Variants in PVT1 observed in about 807,000 individuals in gnomAD.
PVT1 encodes CXCR4/PVT1 fusion.
At chr8:127,855,592 A>C (rs1815152060) in intron 2 of PVT1, among the ~76,000 whole-genome samples, 2 of 152,058 alleles carry the variant, frequency 1.3e-5, no homozygotes, top group South Asian at 4.1e-4. Context: ...GGGTGAGGGG[A>C]TTGGAATCTG....
chr8:128,040,355 G>A (rs1298060049), intron 4 of PVT1, among the ~76,000 whole-genome samples: 1 of 152,222 alleles, frequency 6.6e-6, no homozygotes, highest in Non-Finnish European at 1.5e-5. Context: ...TCAAGCCGCA[G>A]TATCAGCTCT....
chr8:127,992,456 C>T (rs1265777119), intron 4 of PVT1, among the ~76,000 whole-genome samples: 2 of 152,182 alleles, frequency 1.3e-5, no homozygotes, highest in African/African-American at 4.8e-5. Flanking sequence ...CCAGGCTGGC[C>T]TCCAATCCCT....
At chr8:128,065,179 G>T (rs1813888660) in intron 4 of PVT1, among the ~76,000 whole-genome samples, 1 of 142,314 alleles carries the variant, frequency 7.0e-6, no homozygotes, top group African/African-American at 2.5e-5. Flanking sequence ...CCTCTCAGAA[G>T]TCTCTTCTTT....
At chr8:127,938,081 G>C (rs754222777) in intron 3 of PVT1, among the ~76,000 whole-genome samples, 1 of 151,982 alleles carries the variant, frequency 6.6e-6, no homozygotes, top group South Asian at 2.1e-4. Flanking sequence ...CTCTTCAGGC[G>C]ACCTCCTTGG....
intron 2 of PVT1, among the ~76,000 whole-genome samples, chr8:127,816,050 G>A (rs1242426831): frequency 1.3e-5 from 2 of 152,180 alleles, no homozygotes; most frequent in African/African-American, 4.8e-5. Context: ...CTTGAACCCG[G>A]GAGGCGGAGG....
At position 128,095,358 on chromosome 8, in the gene PVT1, T is replaced by C. The variant is rs1586517363; in HGVS notation, n.1115-1160T>C. Among the ~76,000 whole-genome samples the C allele has an allele frequency of 2.6e-5, 4 of 152,310 alleles. No homozygotes were observed. The Middle Eastern group carries it at 0.014, about 518-fold the overall frequency. Reference sequence around the variant, plus strand: ...CTTGAGGGAGCAGGGTTTTGTCTTTTTCTGCACTGAAGCCCAGCTTCTAGA... The same window carrying C: ...CTTGAGGGAGCAGGGTTTTGTCTTTCTCTGCACTGAAGCCCAGCTTCTAGA... On this transcript the variant is annotated intron_variant and non_coding_transcript_variant, in intron 5 of 10. Coordinates refer to ENST00000651587, the Ensembl canonical transcript of PVT1.
intron 4 of PVT1, among the ~76,000 whole-genome samples, chr8:127,990,951 G>A (rs1210403942): frequency 9.2e-6 from 1 of 108,222 alleles, no homozygotes; most frequent in East Asian, 3.3e-4. Context: ...AAAGCATACT[G>A]GGAGCTGAGC....
At chr8:127,891,701 T>C (rs867361565) in intron 3 of PVT1, among the ~76,000 whole-genome samples, 9 of 152,334 alleles carry the variant, frequency 5.9e-5, no homozygotes, top group East Asian at 3.9e-4. Context: ...GGTGGACATT[T>C]CTTGGCCCTG....
chr8:127,990,248 A>G (rs1319513703), intron 4 of PVT1, among the ~76,000 whole-genome samples: 1 of 152,010 alleles, frequency 6.6e-6, no homozygotes, highest in Non-Finnish European at 1.5e-5. Context: ...TCTCCACTAT[A>G]CCATGGCTAC....
At chr8:127,945,015 TG>T (rs928525626) in intron 3 of PVT1, among the ~76,000 whole-genome samples, 1 of 152,064 alleles carries the variant, frequency 6.6e-6, no homozygotes, top group Non-Finnish European at 1.5e-5. Flanking sequence ...TACTTTCCCC[TG>T]GGGGTCAAGG....
chr8:127,914,673 G>A (rs1383069519), intron 3 of PVT1, among the ~76,000 whole-genome samples: 2 of 152,182 alleles, frequency 1.3e-5, no homozygotes, highest in African/African-American at 2.4e-5. Flanking sequence ...GGTGACAGAA[G>A]CTAGGCACAA....
At chr8:128,032,101 C>A (rs1359329329) in intron 4 of PVT1, among the ~76,000 whole-genome samples, 1 of 152,208 alleles carries the variant, frequency 6.6e-6, no homozygotes, top group African/African-American at 2.4e-5. Flanking sequence ...TGAGAACAAG[C>A]CTTGGAGGCG....
At chr8:127,926,530 TGTTTCCATGTGGGGTAAACTCCATG>T (rs773908223) in intron 3 of PVT1, among the ~76,000 whole-genome samples, 16 of 152,188 alleles carry the variant, frequency 1.1e-4, no homozygotes, top group Non-Finnish European at 2.2e-4. Context: ...TGCTCCTCCT[TGTTTCCATGTGGGGTAAACTCCATG>T]GTGCGGTTCA....
At position 127,888,414 on chromosome 8, in the gene PVT1, G is replaced by A. The variant is rs114082468; in HGVS notation, n.373-2175G>A. 9.7e-3 allele frequency among the ~76,000 whole-genome samples: 1,470 copies of A among 152,236 alleles called. 30 individuals carry two copies. The highest frequency in any genetic ancestry group is 0.034 in the African/African-American group (1,411 of 41,538). On this transcript the variant is annotated intron_variant and non_coding_transcript_variant, in intron 2 of 10. Transcript: ENST00000651587. ...GGAAGACTTCTTAAAACAGGAGATG[G>A]GTGCCCTCTGTTATTCTTGTATGGC...
intron 2 of PVT1, among the ~76,000 whole-genome samples, chr8:127,866,836 G>T (rs550230918): frequency 6.6e-6 from 1 of 152,128 alleles, no homozygotes; most frequent in Admixed American, 6.5e-5. Context: ...CCCATCTGCC[G>T]ACCCTCCGCA....
At chr8:127,992,074 C>CAAAA (rs72120482) in intron 4 of PVT1, among the ~76,000 whole-genome samples, 1 of 141,936 alleles carries the variant, frequency 7.0e-6, no homozygotes. Context: ...TTTCTTAAAA[C>CAAAA]AAAAAAAAAA....
rs1033833070 is a variant in PVT1 at position 127,924,382 on chromosome 8, G to A, written n.782+33384G>A. Among the ~76,000 whole-genome samples, 7 of 152,242 alleles carry A rather than the reference G, an allele frequency of 4.6e-5. No individual in the cohort carries two copies. In the East Asian group the frequency reaches 1.4e-3, roughly 29 times the overall value. On this transcript the variant is annotated intron_variant and non_coding_transcript_variant, in intron 3 of 10. Coordinates refer to ENST00000651587, the Ensembl canonical transcript of PVT1. ...GACAGAGTCTTGCTCTGTGACCCAG[G>A]CTGGAGTGCAGTGGTGCCATCTTGG...
chr8:127,928,745 TCA>T (rs1429045618), intron 3 of PVT1, among the ~76,000 whole-genome samples: 1 of 152,208 alleles, frequency 6.6e-6, no homozygotes, highest in Admixed American at 6.5e-5. Flanking sequence ...ACAGTGCTGC[TCA>T]CAGCCTGTCC....
At chr8:127,896,658 A>G (rs1034679641) in intron 3 of PVT1, among the ~76,000 whole-genome samples, 2 of 151,840 alleles carry the variant, frequency 1.3e-5, no homozygotes, top group Non-Finnish European at 2.9e-5. Flanking sequence ...GTACATGTGC[A>G]GGATGTGCAG....
Sources: gnomAD v4.1 joint callset for allele counts (sites outside exome capture counted in the v4.1 genomes callset) on GRCh38, gnomAD v4.1.1 for gene constraint, MANE v1.5 for transcripts, NCBI Gene and HGNC (gene_info 2026-07-23, HGNC 2026-07-21) for gene names.